Variants in PDGFRA observed in about 807,000 individuals in gnomAD.
PDGFRA encodes the protein platelet-derived growth factor receptor alpha.
In PDGFRA, 25 loss-of-function variants were observed where a neutral mutation model predicts 121.5. The observed-to-expected ratio is 0.21, with a 90% CI of 0.15 to 0.29. The LOEUF is 0.29. PDGFRA is among the 10% of genes least tolerant of loss of function. PDGFRA has a pLI of 1.00. For missense variants in PDGFRA, 1,008 were observed against 1,345.1 expected (o/e 0.75, Z 3.92); for synonymous variants, 463 against 494.8 (o/e 0.94, Z 0.85).
intron 9 of PDGFRA, 88 bp from the exon 10 acceptor site, chr4:54,273,449 C>T (rs1324150959): frequency 2.9e-6 from 3 of 1,040,590 alleles, no homozygotes; most frequent in Non-Finnish European, 4.5e-6. Context: ...GGTCCCAACT[C>T]CTTGCCATCT....
At chr4:54,278,188 T>C (rs1410347258) in intron 14 of PDGFRA, 174 bp from the exon 15 acceptor site, 8 of 718,106 alleles carry the variant, frequency 1.1e-5, no homozygotes, top group Non-Finnish European at 1.6e-5. Context: ...CAAAATCTGT[T>C]GCCAGTCCAG....
intron 1 of PDGFRA, among the ~76,000 whole-genome samples, chr4:54,255,925 C>T (rs74406278): frequency 0.021 from 3,237 of 152,270 alleles, 58 homozygotes; most frequent in Non-Finnish European, 0.035. Context: ...TAGGCCCACT[C>T]CATTGCATGA....
intron 19 of PDGFRA, among the ~76,000 whole-genome samples, chr4:54,288,030 A>G (rs566569258): frequency 8.5e-5 from 13 of 152,256 alleles, no homozygotes; most frequent in African/African-American, 3.1e-4. Context: ...GCCCTGGGCT[A>G]TCCGGTGAGG....
chr4:54,241,961 T>C (rs930849953), intron 1 of PDGFRA, among the ~76,000 whole-genome samples: 1 of 152,228 alleles, frequency 6.6e-6, no homozygotes, highest in African/African-American at 2.4e-5. Context: ...ATATTGACTT[T>C]TAATTCTAGA....
chr4:54,272,834 G>A (rs1489152020), intron 9 of PDGFRA, among the ~76,000 whole-genome samples: 1 of 152,160 alleles, frequency 6.6e-6, no homozygotes, highest in Non-Finnish European at 1.5e-5. Context: ...AAACATAAAT[G>A]TGACTGCTTA....
At chr4:54,233,272 G>A (rs1720800722) in intron 1 of PDGFRA, among the ~76,000 whole-genome samples, 1 of 152,224 alleles carries the variant, frequency 6.6e-6, no homozygotes, top group African/African-American at 2.4e-5. Flanking sequence ...GAGGTGGGAG[G>A]GAGAGCGGAC....
In PDGFRA at chr4:54,295,515, T is replaced by C; in HGVS notation, c.*243T>C. ...CTCAGTGGTGTGTGAAGTTTGGAGA[T>C]AGATGGATAAGGGAATAATAGGCCA... On this transcript the variant is annotated 3_prime_UTR_variant, in exon 23 of 23. Coordinates refer to ENST00000257290, the MANE Select transcript of PDGFRA (RefSeq NM_006206.6). The C allele has an allele frequency of 1.9e-6, 1 of 535,224 alleles. No individual in the cohort carries two copies. Among genetic ancestry groups the C allele is most frequent in the East Asian group, 3.2e-5 (1 of 31,588 alleles). The allele number at this position is 535,224 out of a possible 1,614,324, so 33.2% of individuals were successfully genotyped here. A position where few individuals can be genotyped will look rare whatever the true frequency, so the allele number is the denominator to read the frequency against.
intron 7 of PDGFRA, 28 bp downstream of exon 7, chr4:54,267,769 C>CT (rs760621844): frequency 3.7e-5 from 59 of 1,592,896 alleles, no homozygotes; most frequent in Non-Finnish European, 5.0e-5. Flanking sequence ...CCAAGTATGC[C>CT]TTTTTTTAGT....
At chr4:54,252,135 T>C (rs1722080437) in intron 1 of PDGFRA, among the ~76,000 whole-genome samples, 1 of 152,204 alleles carries the variant, frequency 6.6e-6, no homozygotes, top group Non-Finnish European at 1.5e-5. Flanking sequence ...TGGCTGTTGC[T>C]CAGAAGAAAT....
chr4:54,254,407 C>T (rs1722235811), intron 1 of PDGFRA, among the ~76,000 whole-genome samples: 2 of 152,192 alleles, frequency 1.3e-5, no homozygotes, highest in African/African-American at 4.8e-5. Context: ...CTCAGAGAGC[C>T]TGTTTTCATT....
At chr4:54,256,986 G>C (rs1722407995) in intron 1 of PDGFRA, among the ~76,000 whole-genome samples, 2 of 152,130 alleles carry the variant, frequency 1.3e-5, no homozygotes, top group African/African-American at 4.8e-5. Flanking sequence ...CTATGATTGT[G>C]CCAGTACACT....
chr4:54,289,797 G>T (rs538761196), intron 21 of PDGFRA, among the ~76,000 whole-genome samples: 1 of 152,194 alleles, frequency 6.6e-6, no homozygotes, highest in East Asian at 1.9e-4. Flanking sequence ...ACTTTCACAG[G>T]TGAGGCAGTG....
chr4:54,235,754 C>T (rs924662330), intron 1 of PDGFRA, among the ~76,000 whole-genome samples: 1 of 152,030 alleles, frequency 6.6e-6, no homozygotes, highest in Non-Finnish European at 1.5e-5. Flanking sequence ...TTGAAGGAGC[C>T]GATCTAAAAT....
At chr4:54,281,487 A>C in intron 16 of PDGFRA, 1 of 798,244 alleles carries the variant, frequency 1.3e-6, no homozygotes, top group Non-Finnish European at 1.8e-6. Context: ...GTGAACTTCC[A>C]AGCGCTTTTA....
At chr4:54,237,229 C>T (rs552092312) in intron 1 of PDGFRA, among the ~76,000 whole-genome samples, 1 of 152,300 alleles carries the variant, frequency 6.6e-6, no homozygotes, top group South Asian at 2.1e-4. Flanking sequence ...CTCAGCCTTC[C>T]AAAGTGTTGG....
At chr4:54,244,722 G>A (rs1721524090) in intron 1 of PDGFRA, among the ~76,000 whole-genome samples, 1 of 152,266 alleles carries the variant, frequency 6.6e-6, no homozygotes, top group Non-Finnish European at 1.5e-5. Context: ...GACGGAGAAT[G>A]ACTTTGACGA....
chr4:54,259,329 G>A (rs1295740095), intron 2 of PDGFRA, among the ~76,000 whole-genome samples: 2 of 152,056 alleles, frequency 1.3e-5, no homozygotes, highest in Non-Finnish European at 2.9e-5. Context: ...AATGTTCAAA[G>A]GAAATAAATA....
intron 1 of PDGFRA, among the ~76,000 whole-genome samples, chr4:54,232,432 T>A (rs1349018358): frequency 1.3e-5 from 2 of 152,144 alleles, no homozygotes; most frequent in Non-Finnish European, 2.9e-5. Flanking sequence ...TAGGAGGGAA[T>A]AATGGGAAAC....
At chr4:54,270,794 G>A (rs1242960227) in intron 8 of PDGFRA, 46 bp downstream of exon 8, 1 of 1,082,038 alleles carries the variant, frequency 9.2e-7, no homozygotes, top group Admixed American at 1.7e-5. Context: ...GTAGATGAGT[G>A]TCTTCCAAGG....
Sources: gnomAD v4.1 joint callset for allele counts (sites outside exome capture counted in the v4.1 genomes callset) on GRCh38, gnomAD v4.1.1 for gene constraint, MANE v1.5 for transcripts, NCBI Gene and HGNC (gene_info 2026-07-23, HGNC 2026-07-21) for gene names.